Variants in CSKMT observed in about 807,000 individuals in gnomAD.
The protein encoded by CSKMT is citrate synthase lysine methyltransferase.
CSKMT carries 6 observed loss-of-function variants against 4.6 expected under a neutral mutation model. The observed-to-expected ratio is 1.31, with a 90% CI of 0.72 to 2.59. The LOEUF is 2.59. Among genes scored for constraint, CSKMT ranks in the 30% most tolerant of loss-of-function variants. The probability of loss-of-function intolerance (pLI) is 0.00; values close to 1 mark genes in which losing one functional copy is unlikely to be tolerated. For synonymous variants in CSKMT, 142 were observed against 128.9 expected (o/e 1.10, Z -0.69); for missense variants, 328 against 298.0 (o/e 1.10, Z -0.74).
chr11:62,667,633 G>A lies in CSKMT; in HGVS notation c.*582G>A, dbSNP rs769372431. 4 of 1,614,098 alleles carry A rather than the reference G, an allele frequency of 2.5e-6. No homozygotes were observed. Among genetic ancestry groups the A allele is most frequent in the South Asian group, 1.1e-5 (1 of 91,078 alleles). ...ACAGTGGTTGGTGGCTTCCAGACATGCTGTGTCCTCAAGAATCCAACAAGC... is the reference window on the plus strand; with the variant it reads ...ACAGTGGTTGGTGGCTTCCAGACATACTGTGTCCTCAAGAATCCAACAAGC... On this transcript the variant is annotated 3_prime_UTR_variant, in exon 3 of 3. Transcript: ENST00000532971.
At position 62,667,555 on chromosome 11, in the gene CSKMT, T is replaced by C. The variant is rs372883451; in HGVS notation, c.*504T>C. On this transcript the variant is annotated 3_prime_UTR_variant, in exon 3 of 3. Transcript: ENST00000532971. Reference sequence around the variant, plus strand: ...GCTATTAGGAGGCAGGAGATGGGAATATTCCACAAAGCCACTTCTACAAAC... The same window carrying C: ...GCTATTAGGAGGCAGGAGATGGGAACATTCCACAAAGCCACTTCTACAAAC... 1.9e-6 allele frequency: 3 copies of C among 1,614,024 alleles called. No homozygotes were observed. The African/African-American group carries it at 4.0e-5, about 22-fold the overall frequency.
At position 62,666,591 on chromosome 11, in the gene CSKMT, G is replaced by C; in HGVS notation, c.263G>C (p.Ser88Thr). 1 of 1,614,176 alleles carries C rather than the reference G, an allele frequency of 6.2e-7. No individual in the cohort carries two copies. The highest frequency in any genetic ancestry group is 8.5e-7 in the Non-Finnish European group (1 of 1,180,032). ...CTGGATGTGGGCTGTGGGACTTCCA[G>C]CCTATGTACAGGCCTCTACACCAAA... ...RVLDVGCGTSSLCTGLYTKSP... is the reference protein window; with the variant it reads ...RVLDVGCGTSTLCTGLYTKSP... Residue 88 changes from serine to threonine, a missense_variant, in exon 3 of 3, where the codon AGC becomes ACC. Ser to Thr is a moderately conservative substitution (Grantham distance 58, BLOSUM62 1). Transcript: ENST00000532971.
At position 62,666,714 on chromosome 11, in the gene CSKMT, TA is replaced by T. The variant is rs763255599; in HGVS notation, c.387del (p.Cys130AlafsTer56). Reference sequence around the variant, plus strand: ...GAGGGTGGCCCAGGCCAAACACCTCTATGCCCTGGACACCCTGCCTCAAGCC... The same window carrying T: ...GAGGGTGGCCCAGGCCAAACACCTCTTGCCCTGGACACCCTGCCTCAAGCC... ...LLEGGPGQTP[L>X]CPGHPASSLH... On this transcript the variant is annotated frameshift_variant, in exon 3 of 3. Transcript: ENST00000532971. LOFTEE classifies it low-confidence loss of function (END_TRUNC). 4.3e-6 allele frequency: 7 copies of T among 1,613,950 alleles called. No individual in the cohort carries two copies. The highest frequency in any genetic ancestry group is 5.9e-6 in the Non-Finnish European group (7 of 1,180,018).
chr11:62,665,877 C>G lies in CSKMT; in HGVS notation c.-3C>G. 6.2e-7 allele frequency: 1 copy of G among 1,613,194 alleles called. No individual in the cohort carries two copies. Among genetic ancestry groups the G allele is most frequent in the Non-Finnish European group, 8.5e-7 (1 of 1,179,528 alleles). On this transcript the variant is annotated 5_prime_UTR_variant, in exon 2 of 3. Transcript: ENST00000532971. ...CTCTGGTCGAACTTACCCGAATCTCCAGATGGCCGCGCTGCGTCGAATGCT... is the reference window on the plus strand; with the variant it reads ...CTCTGGTCGAACTTACCCGAATCTCGAGATGGCCGCGCTGCGTCGAATGCT...
Position 62,666,513 on chromosome 11 carries a change from G to T in CSKMT, c.185G>T (p.Gly62Val). The T allele has an allele frequency of 1.2e-6, 2 of 1,614,086 alleles. No individual in the cohort carries two copies. The highest frequency in any genetic ancestry group is 4.5e-5 in the East Asian group (2 of 44,880). The part of the protein sequence containing the change: ...DWFFGYDEVQ[G>V]LLLPLLQEAQ... ...TTCTTTGGATACGACGAAGTCCAGG[G>T]GCTCCTACTGCCATTGCTGCAGGAG... The change falls in exon 3 of 3, where the codon GGG becomes GTG. Residue 62 changes from glycine (G) to valine (V), a missense_variant. Transcript: ENST00000532971.
chr11:62,665,439 G>C, intron 1 of CSKMT, 107 bp downstream of exon 1: 3 of 1,549,018 alleles, frequency 1.9e-6, no homozygotes, highest in Non-Finnish European at 2.6e-6. Flanking sequence ...TTCTTGGCGG[G>C]GATCGGGCTT....
rs993440245 is a variant in CSKMT, at chr11:62,666,046, G to C, written c.67+100G>C. The stretch of plus-strand genomic sequence containing the variant: ...TCAGGAGTGTAGTCCCTGAAATTGT[G>C]ATTCTCAAACCCTACGGTGGGCCGT... On this transcript the variant is annotated intron_variant, in intron 2 of 2. Transcript: ENST00000532971. 22 of 1,348,422 alleles carry C rather than the reference G, an allele frequency of 1.6e-5. No homozygotes were observed. The South Asian group carries it at 2.6e-4, about 16-fold the overall frequency. The allele number at this position is 1,348,422 out of a possible 1,614,324, so 83.5% of individuals were successfully genotyped here.
Position 62,667,172 on chromosome 11 carries a change from C to A in CSKMT, c.*121C>A. On this transcript the variant is annotated 3_prime_UTR_variant, in exon 3 of 3. Transcript: ENST00000532971. ...GAGTCCTGGCTTCCACATTTACTAG[C>A]TGGGTGCCATATTGCTGAATGTTTC... is the stretch of plus-strand genomic sequence containing the variant. The A allele has an allele frequency of 9.8e-7, 1 of 1,017,896 alleles. No individual in the cohort carries two copies. 63.1% of individuals were successfully genotyped at this position (1,017,896 alleles called of 1,614,324 possible).
Position 62,667,799 on chromosome 11 carries a change from TAC to T in CSKMT, c.*750_*751del. ...AAATATTACTGATATATTATCAAAT[TAC>T]AAAACTAGGCCAGGCATGCTGGCTC... On this transcript the variant is annotated 3_prime_UTR_variant, in exon 3 of 3. Coordinates refer to ENST00000532971, the MANE Select transcript of CSKMT (RefSeq NM_001043229.2). 7.6e-7 allele frequency: 1 copy of T among 1,311,630 alleles called. No individual in the cohort carries two copies. The highest frequency in any genetic ancestry group is 1.3e-5 in the South Asian group (1 of 78,026). 81.2% of individuals were successfully genotyped at this position (1,311,630 alleles called of 1,614,324 possible).
At chr11:62,665,606 C>A (rs763963891) in intron 1 of CSKMT, 41 bp from the exon 2 acceptor site, 187 of 1,564,376 alleles carry the variant, frequency 1.2e-4, no homozygotes, top group Non-Finnish European at 1.6e-4. Flanking sequence ...ATCCAGCTGG[C>A]TCCTCCATCG....
intron 1 of CSKMT, 150 bp from the exon 2 acceptor site, chr11:62,665,497 G>C (rs1259096068): frequency 2.5e-6 from 4 of 1,572,202 alleles, no homozygotes; most frequent in Non-Finnish European, 3.4e-6. Flanking sequence ...AAGGGCTCTG[G>C]CCCCCTCGGC....
intron 1 of CSKMT, 74 bp downstream of exon 1, chr11:62,665,406 G>T: frequency 7.2e-7 from 1 of 1,388,184 alleles, no homozygotes. Context: ...GAAGGCTCTG[G>T]GCGGGGTCTC....
Position 62,667,397 on chromosome 11 carries a change from T to C in CSKMT, c.*346T>C, listed in dbSNP as rs1367777460. 1 of 951,986 alleles carries C rather than the reference T, an allele frequency of 1.1e-6. No homozygotes were observed. The highest frequency in any genetic ancestry group is 1.4e-5 in the South Asian group (1 of 69,086). 59.0% of individuals were successfully genotyped at this position (951,986 alleles called of 1,614,324 possible). A position where few individuals can be genotyped will look rare whatever the true frequency, so the allele number is the denominator to read the frequency against. On this transcript the variant is annotated 3_prime_UTR_variant, in exon 3 of 3. Coordinates refer to ENST00000532971, the MANE Select transcript of CSKMT (RefSeq NM_001043229.2). ...CAAAACCCCTGCGCTGACTGACTTG[T>C]ATAATCTAGTGGCCTAACCTGTAAG...
chr11:62,666,458 C>A lies in CSKMT; in HGVS notation c.130C>A (p.Arg44Ser). 1 of 1,613,580 alleles carries A rather than the reference C, an allele frequency of 6.2e-7. No homozygotes were observed. The highest frequency in any genetic ancestry group is 8.5e-7 in the Non-Finnish European group (1 of 1,180,022). Residue 44 changes from arginine (R) to serine (S), a missense_variant, in exon 3 of 3, where the codon CGT becomes AGT. Coordinates refer to ENST00000532971, the MANE Select transcript of CSKMT (RefSeq NM_001043229.2). ...CTGGGATCGGCTGCATGCCCAGCCT[C>A]GTTTGGGCACTGTCCCCACCTTCGA... ...CLWDRLHAQPRLGTVPTFDWF... is the reference protein window; with the variant it reads ...CLWDRLHAQPSLGTVPTFDWF...
In CSKMT at chr11:62,665,757, G is replaced by A; in HGVS notation, c.-123G>A. 2 of 1,503,444 alleles carry A rather than the reference G, an allele frequency of 1.3e-6. No individual in the cohort carries two copies. The highest frequency in any genetic ancestry group is 1.8e-6 in the Non-Finnish European group (2 of 1,125,384). 93.1% of individuals were successfully genotyped at this position (1,503,444 alleles called of 1,614,324 possible). ...TTCCGGGACTGCAGAGTTCGGGGAAGCTGTACGCCGCCTTTCGCTACGCGG... is the reference window on the plus strand; with the variant it reads ...TTCCGGGACTGCAGAGTTCGGGGAAACTGTACGCCGCCTTTCGCTACGCGG... On this transcript the variant is annotated 5_prime_UTR_variant, in exon 2 of 3. Transcript: ENST00000532971.
At chr11:62,666,321 AG>A in intron 2 of CSKMT, 74 bp from the exon 3 acceptor site, 1 of 1,453,874 alleles carries the variant, frequency 6.9e-7, no homozygotes, top group South Asian at 1.2e-5. Context: ...AAAAAAAAAA[AG>A]ACGCCAGTGT....
chr11:62,667,156 C>A lies in CSKMT; in HGVS notation c.*105C>A. ...TGCAAAGTGAGAATTTGAGTCCTGG[C>A]TTCCACATTTACTAGCTGGGTGCCA... On this transcript the variant is annotated 3_prime_UTR_variant, in exon 3 of 3. Coordinates refer to ENST00000532971, the MANE Select transcript of CSKMT (RefSeq NM_001043229.2). The A allele has an allele frequency of 8.3e-7, 1 of 1,208,454 alleles. No homozygotes were observed. The allele number at this position is 1,208,454 out of a possible 1,614,324, so 74.9% of individuals were successfully genotyped here.
rs188883781 is a variant in CSKMT at position 62,666,463 on chromosome 11, G to A, written c.135G>A (p.Leu45=). The A allele has an allele frequency of 2.4e-4, 380 of 1,613,680 alleles. 2 individuals carry two copies. In the African/African-American group the frequency reaches 4.1e-3, roughly 17 times the overall value. ...ATCGGCTGCATGCCCAGCCTCGTTTGGGCACTGTCCCCACCTTCGACTGGT... is the reference window on the plus strand; with the variant it reads ...ATCGGCTGCATGCCCAGCCTCGTTTAGGCACTGTCCCCACCTTCGACTGGT... ...LWDRLHAQPR[L]GTVPTFDWFF... The change falls in exon 3 of 3, where the codon TTG becomes TTA. Residue 45 remains leucine (L), a synonymous_variant. Coordinates refer to ENST00000532971, the MANE Select transcript of CSKMT (RefSeq NM_001043229.2).
In CSKMT at chr11:62,666,995, C is replaced by G. The variant is rs1443094836; in HGVS notation, c.667C>G (p.Leu223Val). 6.2e-7 allele frequency: 1 copy of G among 1,613,416 alleles called. No individual in the cohort carries two copies. The highest frequency in any genetic ancestry group is 1.1e-5 in the South Asian group (1 of 91,036). The change falls in exon 3 of 3, where the codon CTA becomes GTA. Residue 223 changes from leucine to valine, a missense_variant. Leu to Val is a conservative substitution (Grantham distance 32, BLOSUM62 1). Transcript: ENST00000532971. ...SYGWTVTVQE[L>V]GPFRGITYFA... ...TGGCTGGACTGTGACTGTGCAGGAG[C>G]TAGGCCCGTTCAGGGGCATCACCTA...
Sources: allele counts gnomAD v4.1 joint callset, GRCh38; gene constraint gnomAD v4.1.1; transcripts MANE v1.5; gene names NCBI Gene and HGNC (gene_info 2026-07-23, HGNC 2026-07-21).